FOXP2: variants seen among roughly 807,000 people sequenced by gnomAD.
FOXP2 encodes the protein forkhead box P2, also known as forkhead box protein P2.
In FOXP2, 12 loss-of-function variants were observed where a neutral mutation model predicts 115.8. That is an observed-to-expected ratio of 0.10 (90% CI 0.07 to 0.17). The LOEUF is 0.17. Ranked by LOEUF, FOXP2 falls within the 10% of genes least tolerant of loss-of-function variation. The probability of loss-of-function intolerance (pLI) is 1.00; values close to 1 mark genes in which losing one functional copy is unlikely to be tolerated. For missense variants in FOXP2, 629 were observed against 843.5 expected (o/e 0.75, Z 3.15); for synonymous variants, 328 against 297.7 (o/e 1.10, Z -1.05).
intron 1 of FOXP2, among the ~76,000 whole-genome samples, chr7:114,141,677 C>T (rs1015614238): frequency 1.3e-5 from 2 of 152,140 alleles, no homozygotes; most frequent in African/African-American, 2.4e-5. Flanking sequence ...AATACCATCA[C>T]TTCCTTTGTG....
intron 1 of FOXP2, among the ~76,000 whole-genome samples, chr7:114,182,922 G>C (rs139716821): frequency 2.6e-4 from 40 of 152,092 alleles, no homozygotes; most frequent in African/African-American, 9.4e-4. Flanking sequence ...AATAACACTT[G>C]TATTATGTTA....
intron 15 of FOXP2, among the ~76,000 whole-genome samples, 167 bp downstream of exon 15, chr7:114,663,686 T>C (rs75590316): frequency 3.1e-4 from 47 of 152,162 alleles, no homozygotes; most frequent in African/African-American, 1.0e-3. Context: ...TTCAAGCTAC[T>C]TTTGATGTGA....
At chr7:114,425,739 A>T (rs1487431471) in intron 1 of FOXP2, among the ~76,000 whole-genome samples, 3 of 151,636 alleles carry the variant, frequency 2.0e-5, no homozygotes, top group Non-Finnish European at 3.0e-5. Flanking sequence ...GTTAAAATTG[A>T]GTTTTAAGTC....
intron 1 of FOXP2, among the ~76,000 whole-genome samples, chr7:114,165,139 CTGTCTGATAGTTACATGGAGGTT>C (rs1346571814): frequency 3.9e-5 from 6 of 152,044 alleles, no homozygotes; most frequent in Non-Finnish European, 8.8e-5. Context: ...GTTTGTTCAC[CTGTCTGATAGTTACATGGAGGTT>C]TGTTTCATGA....
chr7:114,404,817 C>G (rs1450951662), intron 2 of FOXP2, among the ~76,000 whole-genome samples: 1 of 151,884 alleles, frequency 6.6e-6, no homozygotes, highest in Non-Finnish European at 1.5e-5. Flanking sequence ...TTTGAAGTGC[C>G]CTATCAGCTT....
intron 2 of FOXP2, 124 bp from the exon 3 acceptor site, chr7:114,534,490 CAAT>C (rs761147898): frequency 7.3e-6 from 6 of 817,012 alleles, no homozygotes; most frequent in Admixed American, 6.0e-5. Flanking sequence ...AGATAAACAA[CAAT>C]GATTCTCTCT....
At chr7:114,604,109 T>A (rs146313987) in intron 3 of FOXP2, among the ~76,000 whole-genome samples, 3 of 152,272 alleles carry the variant, frequency 2.0e-5, no homozygotes, top group Non-Finnish European at 2.9e-5. Context: ...CATTTCTCAG[T>A]TCTGGAGGCT....
chr7:114,152,336 T>C (rs904116049), intron 1 of FOXP2, among the ~76,000 whole-genome samples: 1 of 152,198 alleles, frequency 6.6e-6, no homozygotes, highest in Admixed American at 6.5e-5. Flanking sequence ...TTTCAACATA[T>C]GGATAAAGAT....
At chr7:114,380,103 T>A (rs752345009) in intron 2 of FOXP2, among the ~76,000 whole-genome samples, 1 of 152,142 alleles carries the variant, frequency 6.6e-6, no homozygotes, top group African/African-American at 2.4e-5. Context: ...CGCTTGGCGG[T>A]TCCCTTCTAT....
intron 1 of FOXP2, among the ~76,000 whole-genome samples, chr7:114,259,650 C>T (rs1277971017): frequency 6.6e-6 from 1 of 151,966 alleles, no homozygotes; most frequent in East Asian, 1.9e-4. Flanking sequence ...TGGGAACATT[C>T]GAGCAGAAGC....
intron 2 of FOXP2, among the ~76,000 whole-genome samples, chr7:114,377,378 A>G (rs971424435): frequency 1.3e-5 from 2 of 152,212 alleles, no homozygotes; most frequent in Non-Finnish European, 2.9e-5. Context: ...GCCAACTCCC[A>G]CTTAGAAGAG....
intron 3 of FOXP2, among the ~76,000 whole-genome samples, chr7:114,590,416 A>G (rs1802384715): frequency 6.6e-6 from 1 of 152,158 alleles, no homozygotes; most frequent in Non-Finnish European, 1.5e-5. Flanking sequence ...CTGACTCTCC[A>G]AACTAGGGAT....
chr7:114,507,157 C>G (rs916289570), intron 2 of FOXP2, among the ~76,000 whole-genome samples: 3 of 151,362 alleles, frequency 2.0e-5, no homozygotes, highest in South Asian at 4.2e-4. Context: ...TTACCCCTAC[C>G]CCCCCCAAAT....
chr7:114,496,319 T>C (rs1211324152), intron 2 of FOXP2, among the ~76,000 whole-genome samples: 1 of 152,188 alleles, frequency 6.6e-6, no homozygotes, highest in Non-Finnish European at 1.5e-5. Flanking sequence ...GGGAAAAATA[T>C]TAATTGTACA....
At position 114,633,567 on chromosome 7, in the gene FOXP2, G is replaced by A. The variant is rs144919157; in HGVS notation, c.775+1862G>A. Among the ~76,000 whole-genome samples the A allele has an allele frequency of 2.0e-3, 304 of 152,124 alleles. 2 individuals are homozygous for A. Among genetic ancestry groups the A allele is most frequent in the Non-Finnish European group, 3.8e-3 (256 of 67,980 alleles). ...AAAAAATCCATCTGAATAATTGTAG[G>A]GCCACAAATGTAGTTGGTTCACCGA... is the stretch of plus-strand genomic sequence containing the variant. On this transcript the variant is annotated intron_variant, in intron 6 of 16. Transcript: ENST00000350908.
In FOXP2 at chr7:114,629,915, G is replaced by C; in HGVS notation, c.507G>C (p.Gln169His). 6.2e-7 allele frequency: 1 copy of C among 1,608,606 alleles called. No individual in the cohort carries two copies. The highest frequency in any genetic ancestry group is 1.4e-5 in the African/African-American group (1 of 73,782). ...AACAACAGCAGCAACAACAGCAGCA[G>C]CAACAACAACAACAACAGCAGCAAC... is the stretch of plus-strand genomic sequence containing the variant. Reference protein sequence around the residue: ...QQQQQQQQQQQQQQQQQQQQQ... With the variant: ...QQQQQQQQQQHQQQQQQQQQQ... The change falls in exon 5 of 17, where the codon CAG (glutamine) becomes CAC (histidine). Residue 169 changes from glutamine to histidine, a missense_variant. Gln to His is a conservative substitution (Grantham distance 24). Transcript: ENST00000350908.
intron 1 of FOXP2, among the ~76,000 whole-genome samples, chr7:114,096,944 A>T (rs997395522): frequency 1.3e-5 from 2 of 152,196 alleles, no homozygotes; most frequent in Non-Finnish European, 2.9e-5. Context: ...TGGAAATGCT[A>T]ATTATAAAAA....
At position 114,620,857 on chromosome 7, in the gene FOXP2, A is replaced by G. The variant is rs536129848; in HGVS notation, c.259-7683A>G. Among the ~76,000 whole-genome samples the G allele has an allele frequency of 2.6e-5, 4 of 152,200 alleles. No homozygotes were observed. In the East Asian group the frequency reaches 7.7e-4, roughly 29 times the overall value. On this transcript the variant is annotated intron_variant, in intron 3 of 16. Coordinates refer to ENST00000350908, the MANE Select transcript of FOXP2 (RefSeq NM_014491.4). ...TTCATAATAATCAGATTTGGTATCTACTATGTACTTTCATATGTATTAAAA... is the reference window on the plus strand; with the variant it reads ...TTCATAATAATCAGATTTGGTATCTGCTATGTACTTTCATATGTATTAAAA...
At chr7:114,609,947 C>T (rs1004470795) in intron 3 of FOXP2, among the ~76,000 whole-genome samples, 18 of 152,264 alleles carry the variant, frequency 1.2e-4, no homozygotes, top group Non-Finnish European at 2.5e-4. Context: ...TTTGATTCTC[C>T]GTTTTGTAAA....
Sources: gnomAD v4.1 joint callset for allele counts (sites outside exome capture counted in the v4.1 genomes callset) on GRCh38, gnomAD v4.1.1 for gene constraint, MANE v1.5 for transcripts, NCBI Gene and HGNC (gene_info 2026-07-23, HGNC 2026-07-21) for gene names.